The following TUFT1 variants were observed in gnomAD, a reference collection of about 807,000 sequenced individuals.
TUFT1 encodes tuftelin.
TUFT1 carries 43 observed loss-of-function variants against 57.8 expected under a neutral mutation model. That is an observed-to-expected ratio of 0.74 (90% CI 0.58 to 0.96). The LOEUF is 0.96. Among genes scored for constraint, TUFT1 ranks in the 40% least tolerant of loss-of-function variants. The probability of loss-of-function intolerance (pLI) is 0.00; values close to 1 mark genes in which losing one functional copy is unlikely to be tolerated. For synonymous variants in TUFT1, 166 were observed against 176.7 expected, an observed-to-expected ratio of 0.94 and a Z score of 0.48; for missense variants, 459 against 489.0, an observed-to-expected ratio of 0.94 and a Z score of 0.58.
chr1:151,540,525 T>G (rs1665127502), intron 1 of TUFT1, 99 bp downstream of exon 1: 1 of 1,402,718 alleles, frequency 7.1e-7, no homozygotes, highest in African/African-American at 1.4e-5. Flanking sequence ...CATCACCTGG[T>G]GCCCGGCTCG....
intron 10 of TUFT1, among the ~76,000 whole-genome samples, chr1:151,579,282 T>G (rs776075614): frequency 2.0e-4 from 30 of 152,234 alleles, no homozygotes; most frequent in Non-Finnish European, 3.4e-4. Context: ...TCATGTCAGC[T>G]CCATTAGTGT....
intron 1 of TUFT1, among the ~76,000 whole-genome samples, chr1:151,543,594 A>G (rs1665235159): frequency 6.6e-6 from 1 of 152,220 alleles, no homozygotes; most frequent in Admixed American, 6.5e-5. Flanking sequence ...AGCAGTTCAC[A>G]GAATTTAAGG....
At chr1:151,577,054 A>AT (rs1666490340) in intron 9 of TUFT1, among the ~76,000 whole-genome samples, 1 of 152,144 alleles carries the variant, frequency 6.6e-6, no homozygotes. Flanking sequence ...GATTATATTC[A>AT]TGAGCCACTG....
In TUFT1 at chr1:151,569,714, C is replaced by G. The variant is rs774750609; in HGVS notation, c.538C>G (p.Leu180Val). ...CTTGAGGAAGACGGTGCAGGACTTG[C>G]TGGCCAAGCTTCAGGAGGCCAAGCG... The part of the protein sequence containing the change: ...ESLRKTVQDL[L>V]AKLQEAKRQH... The change falls in exon 7 of 13, where the codon CTG (leucine) becomes GTG (valine). Residue 180 changes from leucine to valine, a missense_variant. Physicochemically the swap from Leu to Val is conservative, Grantham distance 32 (BLOSUM62 1). Transcript: ENST00000368849. The G allele has an allele frequency of 6.2e-7, 1 of 1,613,948 alleles. No homozygotes were observed. Among genetic ancestry groups the G allele is most frequent in the East Asian group, 2.2e-5 (1 of 44,886 alleles).
At chr1:151,568,102 T>C (rs1196482013) in intron 6 of TUFT1, among the ~76,000 whole-genome samples, 2 of 152,204 alleles carry the variant, frequency 1.3e-5, no homozygotes, top group African/African-American at 4.8e-5. Flanking sequence ...TTTCTTTAGT[T>C]GGGTATGTTT....
intron 1 of TUFT1, chr1:151,540,945 G>C (rs923161476): frequency 6.5e-6 from 1 of 153,814 alleles, no homozygotes; most frequent in Non-Finnish European, 1.4e-5. Flanking sequence ...TGGAGGGCGG[G>C]GGGCAAGTAG....
Position 151,582,211 on chromosome 1 carries a change from A to G in TUFT1, c.*504A>G, listed in dbSNP as rs1162894078. 6.6e-6 allele frequency: 3 copies of G among 456,304 alleles called. No individual in the cohort carries two copies. In the Admixed American group the frequency reaches 7.0e-5, roughly 11 times the overall value. The allele number at this position is 456,304 out of a possible 1,614,324, so 28.3% of individuals were successfully genotyped here. A position where few individuals can be genotyped will look rare whatever the true frequency, so the allele number is the denominator to read the frequency against. On this transcript the variant is annotated 3_prime_UTR_variant, in exon 13 of 13. Coordinates refer to ENST00000368849, the MANE Select transcript of TUFT1 (RefSeq NM_020127.3). ...TTTCTACTTGCTCCATCTGCAGCCT[A>G]CGCTGCCCTGGCCTCCTGCAGACAG...
intron 7 of TUFT1, among the ~76,000 whole-genome samples, chr1:151,572,880 TTC>T (rs1666302401): frequency 6.6e-6 from 1 of 152,166 alleles, no homozygotes; most frequent in East Asian, 1.9e-4. Context: ...GCTGCTGATG[TTC>T]TGTTTTCCCA....
intron 1 of TUFT1, among the ~76,000 whole-genome samples, chr1:151,545,218 G>A (rs1665295209): frequency 6.6e-6 from 1 of 152,106 alleles, no homozygotes; most frequent in Admixed American, 6.6e-5. Context: ...ACTGAGGCAG[G>A]AGAATCATAT....
At chr1:151,557,329 G>T in intron 1 of TUFT1, 4 of 525,856 alleles carry the variant, frequency 7.6e-6, no homozygotes, top group Non-Finnish European at 1.0e-5. Context: ...TATTTTCTCT[G>T]CATACATTTA....
chr1:151,558,781 CTT>C (rs56003478), intron 1 of TUFT1, among the ~76,000 whole-genome samples: 4 of 142,034 alleles, frequency 2.8e-5, no homozygotes, highest in Admixed American at 1.4e-4. Flanking sequence ...AGATAGTGTC[CTT>C]TTTTTTTTTT....
intron 1 of TUFT1, among the ~76,000 whole-genome samples, chr1:151,560,819 C>T (rs1241398957): frequency 6.6e-6 from 1 of 152,246 alleles, no homozygotes; most frequent in Non-Finnish European, 1.5e-5. Context: ...CCCTCATTCA[C>T]TTCCATGCAT....
At chr1:151,579,761 AACAGG>A (rs764012537) in intron 11 of TUFT1, 29 bp downstream of exon 11, 1 of 1,603,734 alleles carries the variant, frequency 6.2e-7, no homozygotes, top group African/African-American at 1.3e-5. Flanking sequence ...CCAGCAGGGG[AACAGG>A]ACTCTTGAAG....
In TUFT1 at chr1:151,577,431, A is replaced by C. The variant is rs145359858; in HGVS notation, c.819-1290A>C. Among the ~76,000 whole-genome samples, 513 of 152,268 alleles carry C rather than the reference A, an allele frequency of 3.4e-3. 2 individuals are homozygous for C. The highest frequency in any genetic ancestry group is 0.012 in the African/African-American group (495 of 41,530). ...CCAGTCATCATTAGCATACAAAAAG[A>C]CACTCATCAGTCTTGGAGATGCAAA... On this transcript the variant is annotated intron_variant, in intron 9 of 12. Coordinates refer to ENST00000368849, the MANE Select transcript of TUFT1 (RefSeq NM_020127.3).
intron 9 of TUFT1, among the ~76,000 whole-genome samples, chr1:151,575,511 T>C (rs1666434299): frequency 2.0e-5 from 3 of 152,154 alleles, no homozygotes; most frequent in Admixed American, 2.0e-4. Context: ...GTCAGCAGGG[T>C]CCCGTAGGTG....
chr1:151,558,441 C>T (rs986110093), intron 1 of TUFT1, among the ~76,000 whole-genome samples: 2 of 151,978 alleles, frequency 1.3e-5, no homozygotes, highest in African/African-American at 4.8e-5. Flanking sequence ...TCTATCATGG[C>T]ATGAATTTCA....
intron 7 of TUFT1, among the ~76,000 whole-genome samples, chr1:151,572,720 A>G (rs1354786608): frequency 6.6e-6 from 1 of 152,128 alleles, no homozygotes; most frequent in African/African-American, 2.4e-5. Flanking sequence ...TTCCTGTTCT[A>G]CTGGCTGCTT....
At chr1:151,542,931 G>A (rs925313643) in intron 1 of TUFT1, among the ~76,000 whole-genome samples, 2 of 152,188 alleles carry the variant, frequency 1.3e-5, no homozygotes, top group African/African-American at 4.8e-5. Flanking sequence ...CTGAATGGGT[G>A]CTCAATTCAT....
chr1:151,545,625 G>T (rs1665308751), intron 1 of TUFT1, among the ~76,000 whole-genome samples: 1 of 152,190 alleles, frequency 6.6e-6, no homozygotes, highest in Non-Finnish European at 1.5e-5. Context: ...CCAGCCAAGG[G>T]ATGGAGGAAG....
Sources: gnomAD v4.1 joint callset for allele counts (sites outside exome capture counted in the v4.1 genomes callset) on GRCh38, gnomAD v4.1.1 for gene constraint, MANE v1.5 for transcripts, NCBI Gene and HGNC (gene_info 2026-07-23, HGNC 2026-07-21) for gene names.